Variants in COL14A1 observed in about 807,000 individuals in gnomAD.
COL14A1 encodes collagen type XIV alpha 1 chain, also known as collagen alpha-1(XIV) chain.
Under a neutral mutation model 230.3 loss-of-function variants are expected in COL14A1, and 136 were observed. The observed-to-expected ratio is 0.59, with a 90% CI of 0.51 to 0.68. The LOEUF (loss-of-function observed/expected upper bound fraction) is 0.68. Among genes scored for constraint, COL14A1 ranks in the 30% least tolerant of loss-of-function variants. The probability of loss-of-function intolerance (pLI) is 0.00; values close to 1 mark genes in which losing one functional copy is unlikely to be tolerated. For missense variants in COL14A1, 1,976 were observed against 2,215.8 expected, an observed-to-expected ratio of 0.89 and a Z score of 2.17; for synonymous variants, 792 against 784.1, an observed-to-expected ratio of 1.01 and a Z score of -0.17.
At chr8:120,163,304 C>T (rs1815752466) in intron 4 of COL14A1, among the ~76,000 whole-genome samples, 1 of 152,118 alleles carries the variant, frequency 6.6e-6, no homozygotes, top group African/African-American at 2.4e-5. Context: ...AGAGGATAGG[C>T]ATGGGAAAGC....
At position 120,280,738 on chromosome 8, in the gene COL14A1, T is replaced by C. The variant is rs532945368; in HGVS notation, c.3674T>C (p.Ile1225Thr). The C allele has an allele frequency of 1.9e-6, 3 of 1,613,566 alleles. No homozygotes were observed. Among genetic ancestry groups the C allele is most frequent in the African/African-American group, 1.3e-5 (1 of 75,026 alleles). ...ATCPVVHKDG[I>T]DLAGFKMMEM... is the part of the protein sequence containing the mutation. ...TGTCCAGTGGTACACAAGGATGGCA[T>C]TGATCTTGCAGGTATGCATTATCAC... Residue 1225 changes from isoleucine (I) to threonine (T), a missense_variant, in exon 30 of 48, where the codon ATT (isoleucine) becomes ACT (threonine). By Grantham distance (89) the Ile-to-Thr change is moderately conservative. This residue lies in a region of COL14A1 where 1,791 missense variants were observed against 2,019.5 expected (regional missense o/e 0.89). Coordinates refer to ENST00000297848, the MANE Select transcript of COL14A1 (RefSeq NM_021110.4).
intron 1 of COL14A1, among the ~76,000 whole-genome samples, chr8:120,127,007 TCA>T (rs986813793): frequency 2.0e-5 from 3 of 152,212 alleles, no homozygotes; most frequent in African/African-American, 7.2e-5. Flanking sequence ...TTTAGTGTTT[TCA>T]CAGAGCAGAG....
chr8:120,282,948 A>T (rs536421347), intron 31 of COL14A1, among the ~76,000 whole-genome samples: 1 of 152,236 alleles, frequency 6.6e-6, no homozygotes, highest in South Asian at 2.1e-4. Context: ...TGAAAATGGT[A>T]TGGCCCCTCA....
rs529959910 is a variant in COL14A1, at chr8:120,208,075, T to C, written c.1192-157T>C. 2.0e-5 allele frequency among the ~76,000 whole-genome samples: 3 copies of C among 152,320 alleles called. No individual in the cohort carries two copies. In the East Asian group the frequency reaches 5.8e-4, roughly 29 times the overall value. ...AAAGGTGCATCACTTCACTTAGGAA[T>C]TCAAAGAGAGTTGACTGCCACAGTG... is the stretch of plus-strand genomic sequence containing the variant. On this transcript the variant is annotated intron_variant, in intron 10 of 47. Coordinates refer to ENST00000297848, the MANE Select transcript of COL14A1 (RefSeq NM_021110.4).
chr8:120,274,967 G>A (rs927896497), intron 26 of COL14A1, among the ~76,000 whole-genome samples: 5 of 114,458 alleles, frequency 4.4e-5, no homozygotes, highest in South Asian at 2.7e-4. Context: ...TATCAACATC[G>A]TTTTTCACAG....
intron 23 of COL14A1, among the ~76,000 whole-genome samples, chr8:120,262,653 T>A (rs1483925508): frequency 1.3e-5 from 2 of 152,216 alleles, no homozygotes; most frequent in African/African-American, 4.8e-5. Context: ...AACTTCATTT[T>A]TGGACATATA....
At chr8:120,218,119 T>G (rs1817816721) in intron 14 of COL14A1, among the ~76,000 whole-genome samples, 1 of 136,764 alleles carries the variant, frequency 7.3e-6, no homozygotes, top group Non-Finnish European at 1.5e-5. Flanking sequence ...TAAGTATATA[T>G]CTATATAAAA....
rs187681976 is a variant in COL14A1 at position 120,349,014 on chromosome 8, T to G, written c.5077+3451T>G. 9.5e-3 allele frequency among the ~76,000 whole-genome samples: 1,450 copies of G among 152,256 alleles called. 29 individuals carry two copies. The highest frequency in any genetic ancestry group is 8.8e-3 in the Non-Finnish European group (597 of 68,018). On this transcript the variant is annotated intron_variant, in intron 45 of 47. Coordinates refer to ENST00000297848, the MANE Select transcript of COL14A1 (RefSeq NM_021110.4). ...CTGACAGCTTTGAAGGGAGCAGTGG[T>G]TCTCCCAGCACGCAGCTGGAGATCT...
intron 5 of COL14A1, among the ~76,000 whole-genome samples, chr8:120,179,172 T>C (rs527465481): frequency 1.1e-4 from 16 of 152,328 alleles, no homozygotes; most frequent in African/African-American, 2.9e-4. Flanking sequence ...CTGAATGGTA[T>C]TGGAATTTCT....
rs1260025917 is a variant in COL14A1, at chr8:120,372,418, A to G, written c.*1187A>G. On this transcript the variant is annotated 3_prime_UTR_variant, in exon 48 of 48. Transcript: ENST00000297848. ...AATGAGGTTGAATCTAATAGACTCT[A>G]ACCCTTAAACCATACTTTGTCTTTT... 6.6e-6 allele frequency among the ~76,000 whole-genome samples: 1 copy of G among 152,218 alleles called. No homozygotes were observed. Among genetic ancestry groups the G allele is most frequent in the Non-Finnish European group, 1.5e-5 (1 of 68,028 alleles).
At chr8:120,188,901 T>C (rs1816727410) in intron 5 of COL14A1, among the ~76,000 whole-genome samples, 1 of 152,248 alleles carries the variant, frequency 6.6e-6, no homozygotes, top group Admixed American at 6.5e-5. Context: ...CAGGCGTGTC[T>C]GGTTTTCTTT....
intron 5 of COL14A1, among the ~76,000 whole-genome samples, chr8:120,180,556 G>A (rs554816953): frequency 6.6e-6 from 1 of 152,218 alleles, no homozygotes; most frequent in Admixed American, 6.5e-5. Context: ...GCTCTCTCTT[G>A]CTTCTCCATC....
chr8:120,345,063 G>A (rs1586883907), intron 44 of COL14A1, among the ~76,000 whole-genome samples: 1 of 152,086 alleles, frequency 6.6e-6, no homozygotes, highest in Non-Finnish European at 1.5e-5. Context: ...GAGGGTCTAG[G>A]GGTCAGATAA....
chr8:120,334,527 CAT>C lies in COL14A1; in HGVS notation c.4785+1796_4785+1797del, dbSNP rs200429941. 9.2e-3 allele frequency among the ~76,000 whole-genome samples: 1,390 copies of C among 151,666 alleles called. 8 individuals are homozygous for C. Among genetic ancestry groups the C allele is most frequent in the Middle Eastern group, 0.017 (5 of 294 alleles). On this transcript the variant is annotated intron_variant, in intron 42 of 47. Coordinates refer to ENST00000297848, the MANE Select transcript of COL14A1 (RefSeq NM_021110.4). The stretch of plus-strand genomic sequence containing the variant: ...CAAAGTATGATCCTGCACCTAGAAA[CAT>C]ATACTGAAACCCACATGTGTGAACA...
intron 37 of COL14A1, among the ~76,000 whole-genome samples, chr8:120,310,666 C>G (rs914766564): frequency 1.3e-5 from 2 of 152,234 alleles, no homozygotes; most frequent in Non-Finnish European, 2.9e-5. Flanking sequence ...TAATGGAGTT[C>G]AGGCCTCACC....
At chr8:120,297,724 C>T (rs1820570861) in intron 35 of COL14A1, 136 bp downstream of exon 35, 3 of 446,222 alleles carry the variant, frequency 6.7e-6, no homozygotes, top group Non-Finnish European at 7.7e-6. Context: ...AATAAAGAGG[C>T]ATGTCTGAAA....
At chr8:120,214,977 C>T (rs10808509) in intron 13 of COL14A1, among the ~76,000 whole-genome samples, 12,858 of 152,194 alleles carry the variant, frequency 0.084, 1,217 homozygotes, top group East Asian at 0.46. Flanking sequence ...AATGAGCATG[C>T]GTGGCAGGTT....
At position 120,285,767 on chromosome 8, in the gene COL14A1, A is replaced by G; in HGVS notation, c.3968-94A>G. 3 of 767,286 alleles carry G rather than the reference A, an allele frequency of 3.9e-6. No homozygotes were observed. In the East Asian group the frequency reaches 8.2e-5, roughly 21 times the overall value. The allele number at this position is 767,286 out of a possible 1,614,324, so 47.5% of individuals were successfully genotyped here. ...ATCATTCTAAATACAGTTTCAAAAC[A>G]ATCGATGCATTGTTTTGTTTTGAGT... On this transcript the variant is annotated intron_variant, in intron 32 of 47. Transcript: ENST00000297848.
At chr8:120,336,940 G>T (rs748017242) in intron 42 of COL14A1, among the ~76,000 whole-genome samples, 1 of 152,038 alleles carries the variant, frequency 6.6e-6, no homozygotes, top group Admixed American at 6.6e-5. Flanking sequence ...CTGTCCCTTC[G>T]CAGGCTGTTA....
Sources: gnomAD v4.1 joint callset for allele counts (sites outside exome capture counted in the v4.1 genomes callset) on GRCh38, gnomAD v4.1.1 for gene constraint, gnomAD v4.1.1 regional missense constraint, MANE v1.5 for transcripts, NCBI Gene and HGNC (gene_info 2026-07-23, HGNC 2026-07-21) for gene names.